The following FALEC variants were observed in gnomAD, a reference collection of about 807,000 sequenced individuals.
The protein encoded by FALEC is focally amplified lncRNA on chromosome 1.
chr1:150,524,443 T>A, the FALEC span, among the ~76,000 whole-genome samples: 1 of 152,204 alleles, frequency 6.6e-6, no homozygotes, highest in Non-Finnish European at 1.5e-5. Flanking sequence ...AGTCACATCA[T>A]CTTGACAGTG....
downstream of FALEC, among the ~76,000 whole-genome samples, chr1:150,522,905 A>ATATATACATG: frequency 1.3e-5 from 1 of 79,184 alleles, no homozygotes; most frequent in Non-Finnish European, 2.4e-5. Context: ...ATATATATAC[A>ATATATACATG]TATATATACA....
downstream of FALEC, among the ~76,000 whole-genome samples, chr1:150,518,702 T>C (rs1451516415): frequency 1.3e-5 from 2 of 151,806 alleles, no homozygotes; most frequent in Non-Finnish European, 2.9e-5. Flanking sequence ...AGTTACACCT[T>C]ACACCAAAGT....
At position 150,516,677 on chromosome 1, in the gene FALEC, G is replaced by A. The variant is rs80201146; in HGVS notation, n.306+615G>A. Among the ~76,000 whole-genome samples the A allele has an allele frequency of 5.0e-3, 769 of 152,308 alleles. 6 individuals are homozygous for A. The highest frequency in any genetic ancestry group is 0.018 in the African/African-American group (730 of 41,568). ...ATTCAGGGGCGGTGAGTAAAGTAAA[G>A]GAGTCAGAGCTCCTAATTATTGGAG... On this transcript the variant is annotated intron_variant and non_coding_transcript_variant, in intron 1 of 1. Transcript: ENST00000416894.
chr1:150,520,942 C>T (rs1364602489), downstream of FALEC, among the ~76,000 whole-genome samples: 1 of 151,876 alleles, frequency 6.6e-6, no homozygotes, highest in Non-Finnish European at 1.5e-5. Flanking sequence ...GTTGGGATTA[C>T]AGGCGCCTGC....
chr1:150,522,970 TA>T (rs1560270838), downstream of FALEC, among the ~76,000 whole-genome samples: 42 of 50,164 alleles, frequency 8.4e-4, 3 homozygotes, highest in African/African-American at 1.1e-3. Context: ...TATATATATA[TA>T]TATATATATA....
At chr1:150,521,658 G>A (rs1429104145), downstream of FALEC, among the ~76,000 whole-genome samples, 1 of 152,174 alleles carries the variant, frequency 6.6e-6, no homozygotes, top group Non-Finnish European at 1.5e-5. Flanking sequence ...TCCGTTTGGA[G>A]ATTCAGTTAT....
downstream of FALEC, among the ~76,000 whole-genome samples, chr1:150,519,594 C>T (rs587645564): frequency 1.6e-4 from 24 of 151,994 alleles, no homozygotes; most frequent in Admixed American, 1.3e-3. Context: ...CGGTGGCTCA[C>T]GCCTGTAATC....
chr1:150,525,796 C>T, the FALEC span, among the ~76,000 whole-genome samples: 1 of 152,120 alleles, frequency 6.6e-6, no homozygotes, highest in Non-Finnish European at 1.5e-5. Flanking sequence ...GAACTACAGG[C>T]ACACACCACC....
downstream of FALEC, among the ~76,000 whole-genome samples, chr1:150,518,386 C>CTT (rs796565110): frequency 2.7e-5 from 2 of 74,338 alleles, no homozygotes; most frequent in Admixed American, 1.3e-4. Context: ...AAGTCTCTCT[C>CTT]TTTTTTTTTT....
the FALEC span, among the ~76,000 whole-genome samples, chr1:150,523,382 G>T: frequency 2.6e-5 from 4 of 151,384 alleles, no homozygotes; most frequent in East Asian, 7.8e-4. Context: ...GACCAGGCGC[G>T]GTGGCTCATG....
the FALEC span, among the ~76,000 whole-genome samples, chr1:150,532,305 C>T: frequency 4.6e-5 from 7 of 152,296 alleles, no homozygotes; most frequent in East Asian, 7.7e-4. Context: ...TCAGTTCCCT[C>T]GTTCCCCTGG....
chr1:150,523,699 G>T, the FALEC span, among the ~76,000 whole-genome samples: 1 of 151,696 alleles, frequency 6.6e-6, no homozygotes, highest in Non-Finnish European at 1.5e-5. Flanking sequence ...TTGGTGACTG[G>T]AATTATATTT....
the FALEC span, among the ~76,000 whole-genome samples, chr1:150,534,509 GC>G: frequency 8.3e-4 from 126 of 151,942 alleles, 2 homozygotes; most frequent in South Asian, 6.2e-4. Flanking sequence ...TGGTATCTGT[GC>G]CCCCCCAGCC....
the FALEC span, among the ~76,000 whole-genome samples, chr1:150,532,550 T>C: frequency 1.3e-5 from 2 of 152,096 alleles, no homozygotes; most frequent in Admixed American, 6.5e-5. Flanking sequence ...GGCAGGAACT[T>C]TGCCTAGAAT....
chr1:150,516,980 A>G (rs1207107762), intron 1 of FALEC, among the ~76,000 whole-genome samples: 1 of 152,134 alleles, frequency 6.6e-6, no homozygotes, highest in Non-Finnish European at 1.5e-5. Flanking sequence ...CAGGAAGAGG[A>G]AATAACACAG....
the FALEC span, among the ~76,000 whole-genome samples, chr1:150,534,619 G>A: frequency 1.1e-4 from 16 of 152,132 alleles, no homozygotes; most frequent in African/African-American, 2.2e-4. Flanking sequence ...CAAGGTGGGC[G>A]GATCATGAGG....
At chr1:150,520,783 C>CTTTTTTTTTTT (rs71086518), downstream of FALEC, among the ~76,000 whole-genome samples, 507 of 42,840 alleles carry the variant, frequency 0.012, 58 homozygotes, top group East Asian at 0.016. Flanking sequence ...CTTTTCTTTT[C>CTTTTTTTTTTT]TTTTTTTTTT....
At chr1:150,525,759 C>G in the FALEC span, among the ~76,000 whole-genome samples, 1 of 152,122 alleles carries the variant, frequency 6.6e-6, no homozygotes, top group African/African-American at 2.4e-5. Flanking sequence ...TCAAGTGATC[C>G]TCCTGCCTCA....
chr1:150,523,648 C>A, the FALEC span, among the ~76,000 whole-genome samples: 1 of 128,584 alleles, frequency 7.8e-6, no homozygotes. Context: ...AGCGAGACTC[C>A]GTCAAAAAAA....
Sources: allele counts gnomAD v4.1 joint callset (sites outside exome capture counted in the v4.1 genomes callset), GRCh38; gene constraint gnomAD v4.1.1; transcripts MANE v1.5; gene names NCBI Gene and HGNC (gene_info 2026-07-23, HGNC 2026-07-21).